Variants in ADARB2 observed in about 807,000 individuals in gnomAD.
ADARB2 encodes the protein inactive double-stranded RNA-specific editase B2.
In ADARB2, 25 loss-of-function variants were observed where a neutral mutation model predicts 62.2. That is an observed-to-expected ratio of 0.40 (90% confidence interval 0.29 to 0.56). ADARB2 has a LOEUF of 0.56. Ranked by LOEUF, ADARB2 falls within the 20% of genes least tolerant of loss-of-function variation. The pLI is 0.43. For synonymous variants in ADARB2, 572 were observed against 500.8 expected, an observed-to-expected ratio of 1.14 and a Z score of -1.90; for missense variants, 1,071 against 1,077.4, an observed-to-expected ratio of 0.99 and a Z score of 0.08.
chr10:1,312,559 AGTT>A (rs1171388378), intron 3 of ADARB2, among the ~76,000 whole-genome samples: 1 of 152,188 alleles, frequency 6.6e-6, no homozygotes, highest in Non-Finnish European at 1.5e-5. Context: ...CAAGTTTACC[AGTT>A]GTTTATAATT....
chr10:1,674,004 C>A (rs1285273153), intron 1 of ADARB2, among the ~76,000 whole-genome samples: 3 of 152,234 alleles, frequency 2.0e-5, no homozygotes, highest in Non-Finnish European at 4.4e-5. Flanking sequence ...CTGAGAATAA[C>A]AACCAAATAA....
intron 1 of ADARB2, among the ~76,000 whole-genome samples, chr10:1,534,330 G>A (rs954370842): frequency 6.6e-6 from 1 of 152,088 alleles, no homozygotes; most frequent in Admixed American, 6.6e-5. Flanking sequence ...AGAGACGGGG[G>A]CTTCACCGTG....
intron 1 of ADARB2, among the ~76,000 whole-genome samples, chr10:1,473,167 A>G (rs148728195): frequency 2.6e-5 from 4 of 152,226 alleles, no homozygotes; most frequent in South Asian, 2.1e-4. Flanking sequence ...GCCTCTTCCA[A>G]ATATACTTTC....
chr10:1,722,550 C>T (rs1329891189), intron 1 of ADARB2, among the ~76,000 whole-genome samples: 1 of 152,220 alleles, frequency 6.6e-6, no homozygotes, highest in Admixed American at 6.5e-5. Flanking sequence ...GATAAGCACA[C>T]TTTGTAATTT....
intron 4 of ADARB2, among the ~76,000 whole-genome samples, chr10:1,262,047 C>A (rs1431386023): frequency 1.9e-4 from 28 of 145,060 alleles, no homozygotes; most frequent in South Asian, 8.6e-4. Flanking sequence ...CAAGAACAAA[C>A]AACCAAACAC....
chr10:1,317,753 G>T (rs1019791451), intron 3 of ADARB2, among the ~76,000 whole-genome samples: 4 of 45,390 alleles, frequency 8.8e-5, no homozygotes, highest in Non-Finnish European at 1.2e-4. Flanking sequence ...GGGTAGGCCT[G>T]GGGGGGGGTG....
chr10:1,683,401 T>C (rs1472150891), intron 1 of ADARB2, among the ~76,000 whole-genome samples: 1 of 152,166 alleles, frequency 6.6e-6, no homozygotes, highest in Admixed American at 6.5e-5. Context: ...CATGAAAAAC[T>C]TCTTAATTTA....
At chr10:1,651,306 C>G (rs966345087) in intron 1 of ADARB2, among the ~76,000 whole-genome samples, 5 of 152,252 alleles carry the variant, frequency 3.3e-5, no homozygotes, top group African/African-American at 9.6e-5. Context: ...AGCCCTGGCT[C>G]GGCGAAGGCC....
intron 6 of ADARB2, 103 bp downstream of exon 6, chr10:1,233,591 C>T: frequency 7.9e-7 from 1 of 1,273,422 alleles, no homozygotes; most frequent in South Asian, 2.0e-5. Flanking sequence ...AAGGGCCCCA[C>T]ACACCGCGCC....
rs192390493 is a variant in ADARB2, at chr10:1,483,095, C to T, written c.101-103935G>A. ...TAACTGAGTTCAATGTTCCTGTACA[C>T]TGTGTTGTGCTAATTATTATAACTA... On this transcript the variant is annotated intron_variant, in intron 1 of 9. Coordinates refer to ENST00000381312, the MANE Select transcript of ADARB2 (RefSeq NM_018702.4). Among the ~76,000 whole-genome samples, 402 of 152,290 alleles carry T rather than the reference C, an allele frequency of 2.6e-3. No homozygotes were observed. The Middle Eastern group carries it at 0.034, about 13-fold the overall frequency.
chr10:1,479,409 G>A (rs1182557700), intron 1 of ADARB2, among the ~76,000 whole-genome samples: 2 of 152,196 alleles, frequency 1.3e-5, no homozygotes, highest in Admixed American at 6.5e-5. Context: ...CTCACACGGC[G>A]GGTTTGTGTG....
At chr10:1,266,070 C>T (rs1210324266) in intron 4 of ADARB2, among the ~76,000 whole-genome samples, 3 of 142,166 alleles carry the variant, frequency 2.1e-5, no homozygotes, top group Non-Finnish European at 3.1e-5. Context: ...CACGCTCCCC[C>T]GGAAGACGGC....
At chr10:1,226,348 G>A (rs1019837226) in intron 6 of ADARB2, among the ~76,000 whole-genome samples, 3 of 152,028 alleles carry the variant, frequency 2.0e-5, no homozygotes, top group African/African-American at 7.3e-5. Context: ...TTTGCCATTG[G>A]TTCGAATTTC....
At chr10:1,677,024 C>A (rs927866363) in intron 1 of ADARB2, among the ~76,000 whole-genome samples, 1 of 152,222 alleles carries the variant, frequency 6.6e-6, no homozygotes, top group Non-Finnish European at 1.5e-5. Flanking sequence ...GGACCCTTCA[C>A]ACTTATCAGG....
chr10:1,326,930 T>G (rs375046602), intron 3 of ADARB2, among the ~76,000 whole-genome samples: 214 of 16,796 alleles, frequency 0.013, 6 homozygotes, highest in African/African-American at 0.03. Context: ...GCCTCCCCAC[T>G]GCCCAGCGCC....
intron 4 of ADARB2, among the ~76,000 whole-genome samples, chr10:1,269,930 G>A (rs904282541): frequency 6.6e-6 from 1 of 152,016 alleles, no homozygotes; most frequent in African/African-American, 2.4e-5. Context: ...AGTTGCTGGT[G>A]GCCAGGGTGG....
At chr10:1,324,563 A>G (rs1178185546) in intron 3 of ADARB2, among the ~76,000 whole-genome samples, 1 of 152,264 alleles carries the variant, frequency 6.6e-6, no homozygotes, top group Non-Finnish European at 1.5e-5. Flanking sequence ...ATGAAAAGGA[A>G]CGAAATATGA....
chr10:1,278,446 A>G (rs1191459556), intron 3 of ADARB2, among the ~76,000 whole-genome samples: 1 of 133,818 alleles, frequency 7.5e-6, no homozygotes, highest in African/African-American at 2.8e-5. Flanking sequence ...AGTATTCCCC[A>G]GTGTCTGCTC....
At chr10:1,514,201 AT>A (rs1178239703) in intron 1 of ADARB2, among the ~76,000 whole-genome samples, 74 of 129,154 alleles carry the variant, frequency 5.7e-4, no homozygotes, top group East Asian at 1.2e-3. Flanking sequence ...ATATATGTAT[AT>A]TATATAAAAT....
Sources: gnomAD v4.1 joint callset for allele counts (sites outside exome capture counted in the v4.1 genomes callset) on GRCh38, gnomAD v4.1.1 for gene constraint, MANE v1.5 for transcripts, NCBI Gene and HGNC (gene_info 2026-07-23, HGNC 2026-07-21) for gene names.